Variants in PTPRD observed in about 807,000 individuals in gnomAD.
PTPRD encodes the protein protein tyrosine phosphatase receptor type D, also known as receptor-type tyrosine-protein phosphatase delta.
Under a neutral mutation model 214.5 loss-of-function variants are expected in PTPRD, and 34 were observed. That is an observed-to-expected ratio of 0.16 (90% CI 0.12 to 0.21). PTPRD has a LOEUF of 0.21. PTPRD is among the 10% of genes least tolerant of loss of function. PTPRD has a pLI of 1.00. For missense variants in PTPRD, 2,545 were observed against 2,398.7 expected (o/e 1.06, Z -1.27); for synonymous variants, 1,128 against 845.7 (o/e 1.33, Z -5.79).
At chr9:8,835,513 G>C (rs1409600230) in intron 11 of PTPRD, among the ~76,000 whole-genome samples, 1 of 152,018 alleles carries the variant, frequency 6.6e-6, no homozygotes. Flanking sequence ...CCTTTGCCCT[G>C]ACAAGTTTTA....
In PTPRD at chr9:8,410,544, G is replaced by A. The variant is rs371407207; in HGVS notation, c.4087-5884C>T. 9.9e-4 allele frequency among the ~76,000 whole-genome samples: 151 copies of A among 152,278 alleles called. No individual in the cohort carries two copies. The South Asian group carries it at 0.023, about 23-fold the overall frequency. On this transcript the variant is annotated intron_variant, in intron 35 of 45. Coordinates refer to ENST00000381196, the MANE Select transcript of PTPRD (RefSeq NM_002839.4). ...CTCTGATCCAGGCCAACATTAGAGT[G>A]TGAAGGATTGAAATAAAGATTTTTC... is the stretch of plus-strand genomic sequence containing the variant.
At chr9:9,664,861 C>A (rs1337208899) in intron 7 of PTPRD, among the ~76,000 whole-genome samples, 1 of 151,646 alleles carries the variant, frequency 6.6e-6, no homozygotes, top group African/African-American at 2.4e-5. Flanking sequence ...CCTTTAGCTT[C>A]CTGAAACTAG....
chr9:8,573,765 A>T (rs757306681), intron 14 of PTPRD, among the ~76,000 whole-genome samples: 4 of 151,906 alleles, frequency 2.6e-5, no homozygotes, highest in Non-Finnish European at 5.9e-5. Flanking sequence ...ATGGAACATT[A>T]CTCTTAATTC....
At chr9:8,989,566 A>G (rs2099358435) in intron 11 of PTPRD, among the ~76,000 whole-genome samples, 2 of 152,108 alleles carry the variant, frequency 1.3e-5, no homozygotes, top group South Asian at 4.1e-4. Flanking sequence ...ATAATATTCC[A>G]TTGTGTATAT....
At chr9:9,412,837 G>C (rs1382720217) in intron 8 of PTPRD, among the ~76,000 whole-genome samples, 1 of 152,006 alleles carries the variant, frequency 6.6e-6, no homozygotes, top group African/African-American at 2.4e-5. Flanking sequence ...CAATATGTTA[G>C]CAATTTCTGG....
chr9:10,184,748 A>G (rs1237179195), intron 3 of PTPRD, among the ~76,000 whole-genome samples: 2 of 152,186 alleles, frequency 1.3e-5, no homozygotes, highest in Non-Finnish European at 1.5e-5. Flanking sequence ...GGGCAGAATA[A>G]GCAATATCTC....
chr9:9,615,904 G>A (rs2094830142), intron 7 of PTPRD, among the ~76,000 whole-genome samples: 1 of 152,168 alleles, frequency 6.6e-6, no homozygotes, highest in Admixed American at 6.5e-5. Context: ...ATGGCTGTGT[G>A]TATAACTACT....
chr9:8,722,551 G>T (rs1157065347), intron 12 of PTPRD, among the ~76,000 whole-genome samples: 1 of 151,452 alleles, frequency 6.6e-6, no homozygotes, highest in African/African-American at 2.4e-5. Flanking sequence ...TTATTAAAAA[G>T]CTTTAATCTA....
At chr9:10,533,607 A>C (rs1167104446) in intron 2 of PTPRD, among the ~76,000 whole-genome samples, 1 of 152,052 alleles carries the variant, frequency 6.6e-6, no homozygotes, top group Non-Finnish European at 1.5e-5. Flanking sequence ...ATAATAATAA[A>C]TAATGGTAAT....
chr9:8,700,240 T>C (rs2098043218), intron 12 of PTPRD, among the ~76,000 whole-genome samples: 1 of 152,360 alleles, frequency 6.6e-6, no homozygotes, highest in East Asian at 1.9e-4. Flanking sequence ...TAAGAAACTA[T>C]GCTGCCATCA....
intron 12 of PTPRD, 37 bp downstream of exon 12, chr9:8,733,743 T>C: frequency 2.6e-6 from 4 of 1,549,788 alleles, no homozygotes; most frequent in African/African-American, 1.4e-5. Context: ...CCACTCATTA[T>C]GGTCACAGCC....
At chr9:9,278,041 G>C (rs1211733304) in intron 9 of PTPRD, among the ~76,000 whole-genome samples, 4 of 151,274 alleles carry the variant, frequency 2.6e-5, no homozygotes, top group African/African-American at 9.7e-5. Context: ...TAATAAATAA[G>C]AGTTCTTAAC....
intron 7 of PTPRD, among the ~76,000 whole-genome samples, chr9:9,678,410 T>C (rs1171886124): frequency 6.6e-6 from 1 of 151,814 alleles, no homozygotes; most frequent in African/African-American, 2.4e-5. Flanking sequence ...TCAGAAATAA[T>C]GCCGCATATC....
intron 9 of PTPRD, among the ~76,000 whole-genome samples, chr9:9,311,678 A>C (rs1184424656): frequency 6.6e-6 from 1 of 152,188 alleles, no homozygotes; most frequent in Non-Finnish European, 1.5e-5. Context: ...CTCTCTGACA[A>C]CCAAATCGTT....
intron 3 of PTPRD, among the ~76,000 whole-genome samples, chr9:10,280,914 C>A (rs1347552461): frequency 6.6e-6 from 1 of 152,056 alleles, no homozygotes; most frequent in East Asian, 1.9e-4. Context: ...ATGCACCAGG[C>A]CAAATTTGAA....
chr9:10,214,811 A>G (rs907594829), intron 3 of PTPRD, among the ~76,000 whole-genome samples: 1 of 152,080 alleles, frequency 6.6e-6, no homozygotes, highest in African/African-American at 2.4e-5. Flanking sequence ...TAGCTAATAT[A>G]TTAAACTGAG....
At chr9:8,804,622 G>A (rs1370108463) in intron 11 of PTPRD, among the ~76,000 whole-genome samples, 1 of 109,334 alleles carries the variant, frequency 9.1e-6, no homozygotes, top group Non-Finnish European at 1.9e-5. Context: ...ACCCCCTCCC[G>A]CCCCACCCCT....
intron 4 of PTPRD, among the ~76,000 whole-genome samples, chr9:9,947,347 ATATATATTATATATATT>A (rs1221640099): frequency 0.032 from 1,413 of 44,270 alleles, 49 homozygotes; most frequent in Admixed American, 0.045. Flanking sequence ...TATATATATA[ATATATATTATATATATT>A]ATATATATAT....
At chr9:8,717,537 G>C (rs1398356786) in intron 12 of PTPRD, among the ~76,000 whole-genome samples, 3 of 152,154 alleles carry the variant, frequency 2.0e-5, no homozygotes, top group African/African-American at 4.8e-5. Context: ...ATAGCTGCCA[G>C]TGACCTATTG....
Sources: gnomAD v4.1 joint callset for allele counts (sites outside exome capture counted in the v4.1 genomes callset) on GRCh38, gnomAD v4.1.1 for gene constraint, MANE v1.5 for transcripts, NCBI Gene and HGNC (gene_info 2026-07-23, HGNC 2026-07-21) for gene names.